Variants in KIRREL3 observed in about 807,000 individuals in gnomAD.
The protein encoded by KIRREL3 is kin of IRRE-like protein 3.
Under a neutral mutation model 89.7 loss-of-function variants are expected in KIRREL3, and 36 were observed. The ratio of observed to expected loss-of-function variants is 0.40; its 90% CI spans 0.31 to 0.53. The LOEUF (loss-of-function observed/expected upper bound fraction) is 0.53, where lower values mean the gene tolerates loss of function less well. Ranked by LOEUF, KIRREL3 falls within the 20% of genes least tolerant of loss-of-function variation. The pLI is 0.49. For synonymous variants in KIRREL3, 445 were observed against 441.4 expected, an observed-to-expected ratio of 1.01 and a Z score of -0.10; for missense variants, 864 against 1,056.6, an observed-to-expected ratio of 0.82 and a Z score of 2.53.
chr11:126,799,246 G>A lies in KIRREL3; in HGVS notation c.55+201209C>T, dbSNP rs376224458. ...TGTATCTGTGTATCTGTGTGTGGAT[G>A]TGTGTATCTGTGTGCGTGTGCATGT... On this transcript the variant is annotated intron_variant, in intron 1 of 16. Coordinates refer to ENST00000525144, the MANE Select transcript of KIRREL3 (RefSeq NM_032531.4). 2.6e-3 allele frequency among the ~76,000 whole-genome samples: 355 copies of A among 137,958 alleles called. 1 individual carries two copies. Among genetic ancestry groups the A allele is most frequent in the African/African-American group, 9.3e-3 (334 of 36,002 alleles). The allele number at this position is 137,958 out of a possible 152,430, so 90.5% of individuals were successfully genotyped here. A position where few individuals can be genotyped will look rare whatever the true frequency, so the allele number is the denominator to read the frequency against.
chr11:126,443,213 G>A lies in KIRREL3; in HGVS notation c.1252+1766C>T, dbSNP rs1340405569. ...GTGCATGAGTGAGTGTGAGGGTCCCGGGCTGGCTGGTCATAGGGCCAGCAG... is the reference window on the plus strand; with the variant it reads ...GTGCATGAGTGAGTGTGAGGGTCCCAGGCTGGCTGGTCATAGGGCCAGCAG... On this transcript the variant is annotated intron_variant, in intron 10 of 16. Coordinates refer to ENST00000525144, the MANE Select transcript of KIRREL3 (RefSeq NM_032531.4). This position sits in a 1 kb window ranked among gnomAD's most constrained non-coding sequence, Gnocchi z 7.3. Among the ~76,000 whole-genome samples, 1 of 152,140 alleles carries A rather than the reference G, an allele frequency of 6.6e-6. No homozygotes were observed. Among genetic ancestry groups the A allele is most frequent in the East Asian group, 1.9e-4 (1 of 5,190 alleles).
rs538921338 is a variant in KIRREL3, at chr11:126,906,698, C to T, written c.55+93757G>A. Among the ~76,000 whole-genome samples the T allele has an allele frequency of 2.0e-5, 3 of 152,256 alleles. No homozygotes were observed. Among genetic ancestry groups the T allele is most frequent in the African/African-American group, 7.2e-5 (3 of 41,522 alleles). On this transcript the variant is annotated intron_variant, in intron 1 of 16. Transcript: ENST00000525144. The surrounding 1 kb of genome is among the most constrained non-coding windows in gnomAD (Gnocchi z 4.1). The stretch of plus-strand genomic sequence containing the variant: ...TTAAACCCAGAAGATGTGAACTGCA[C>T]GCATTATAAGGCAAATTAGATCCTG...
intron 1 of KIRREL3, among the ~76,000 whole-genome samples, chr11:126,986,463 A>G (rs1591429103): frequency 2.0e-5 from 3 of 152,304 alleles, no homozygotes; most frequent in Admixed American, 6.5e-5. Context: ...GGACAAGAGC[A>G]TCTCTGGTGT....
At chr11:126,457,265 ATG>A (rs151089192) in intron 6 of KIRREL3, among the ~76,000 whole-genome samples, 18,522 of 141,818 alleles carry the variant, frequency 0.13, 1,506 homozygotes, top group Non-Finnish European at 0.19. Context: ...GTGTGTATGC[ATG>A]TGTGTGTATG....
At chr11:126,442,543 G>A (rs1955621613) in intron 10 of KIRREL3, among the ~76,000 whole-genome samples, 1 of 152,190 alleles carries the variant, frequency 6.6e-6, no homozygotes, top group African/African-American at 2.4e-5. Flanking sequence ...ATCGGTTGAG[G>A]TGTGTGCCAA....
chr11:126,904,393 G>A lies in KIRREL3; in HGVS notation c.55+96062C>T, dbSNP rs1484545543. ...GGGTCTTGATGTTTACTGCATCTCT[G>A]ACTGCAATAAGACTGATCACTAGTG... On this transcript the variant is annotated intron_variant, in intron 1 of 16. Coordinates refer to ENST00000525144, the MANE Select transcript of KIRREL3 (RefSeq NM_032531.4). The surrounding 1 kb of genome is among the most constrained non-coding windows in gnomAD (Gnocchi z 4.4). Among the ~76,000 whole-genome samples the A allele has an allele frequency of 2.6e-5, 4 of 152,130 alleles. No individual in the cohort carries two copies. The highest frequency in any genetic ancestry group is 5.9e-5 in the Non-Finnish European group (4 of 68,044).
At position 126,891,176 on chromosome 11, in the gene KIRREL3, A is replaced by G. The variant is rs1242948735; in HGVS notation, c.55+109279T>C. On this transcript the variant is annotated intron_variant, in intron 1 of 16. Coordinates refer to ENST00000525144, the MANE Select transcript of KIRREL3 (RefSeq NM_032531.4). The surrounding 1 kb of genome is among the most constrained non-coding windows in gnomAD (Gnocchi z 5.1). ...AGTGTACATAAGCCACAGTGGAAAC[A>G]TCTGAGAAGCGTCCCAAGATACTGC... Among the ~76,000 whole-genome samples the G allele has an allele frequency of 1.3e-5, 2 of 152,188 alleles. No individual in the cohort carries two copies. The highest frequency in any genetic ancestry group is 2.9e-5 in the Non-Finnish European group (2 of 68,024).
Position 126,985,065 on chromosome 11 carries a change from A to G in KIRREL3, c.55+15390T>C, listed in dbSNP as rs564454620. 6.6e-6 allele frequency among the ~76,000 whole-genome samples: 1 copy of G among 152,330 alleles called. No individual in the cohort carries two copies. The highest frequency in any genetic ancestry group is 2.4e-5 in the African/African-American group (1 of 41,570). On this transcript the variant is annotated intron_variant, in intron 1 of 16. Transcript: ENST00000525144. This position sits in a 1 kb window ranked among gnomAD's most constrained non-coding sequence, Gnocchi z 5.3. The stretch of plus-strand genomic sequence containing the variant: ...TGAAAGTGTTCTGGAACTATGAAAT[A>G]CTATACACATGCAAGGAAGGATTAA...
intron 2 of KIRREL3, chr11:126,543,818 G>A (rs1938564189): frequency 6.6e-6 from 1 of 152,262 alleles, no homozygotes; most frequent in Admixed American, 6.5e-5. Flanking sequence ...CCTTTGCAAA[G>A]GCCGATCCCT....
At chr11:126,658,178 C>A (rs1945241596) in intron 1 of KIRREL3, among the ~76,000 whole-genome samples, 5 of 152,204 alleles carry the variant, frequency 3.3e-5, no homozygotes, top group Admixed American at 3.3e-4. Context: ...TAGTTATTGT[C>A]ATACAAGAAG....
rs1337985357 is a variant in KIRREL3, at chr11:126,890,819, T to TCCC, written c.55+109633_55+109635dup. 1.3e-5 allele frequency among the ~76,000 whole-genome samples: 2 copies of TCCC among 152,160 alleles called. No homozygotes were observed. Among genetic ancestry groups the TCCC allele is most frequent in the Admixed American group, 6.5e-5 (1 of 15,280 alleles). On this transcript the variant is annotated intron_variant, in intron 1 of 16. Coordinates refer to ENST00000525144, the MANE Select transcript of KIRREL3 (RefSeq NM_032531.4). The surrounding 1 kb of genome is among the most constrained non-coding windows in gnomAD (Gnocchi z 5.1). ...TGTGCCCAGCGCTGCCCCAGCATCC[T>TCCC]CCCAACCACTGTCCTCAGCATTGTT...
chr11:126,809,622 C>G (rs1383547147), intron 1 of KIRREL3, among the ~76,000 whole-genome samples: 2 of 152,198 alleles, frequency 1.3e-5, no homozygotes, highest in Admixed American at 1.3e-4. Flanking sequence ...TTAATTAATT[C>G]AATCGCTGTA....
chr11:126,809,156 C>T (rs1490012268), intron 1 of KIRREL3, among the ~76,000 whole-genome samples: 2 of 152,110 alleles, frequency 1.3e-5, no homozygotes, highest in Non-Finnish European at 2.9e-5. Context: ...TTCAGCAAAA[C>T]CTTCATTAAG....
At chr11:126,435,126 A>C in intron 13 of KIRREL3, 142 bp downstream of exon 13, 1 of 873,522 alleles carries the variant, frequency 1.1e-6, no homozygotes, top group Non-Finnish European at 1.8e-6. Flanking sequence ...TGCTTTGTCT[A>C]CACTAAACCC....
intron 1 of KIRREL3, among the ~76,000 whole-genome samples, chr11:126,923,578 G>A (rs1018865505): frequency 6.6e-6 from 1 of 151,572 alleles, no homozygotes; most frequent in Non-Finnish European, 1.5e-5. Flanking sequence ...CTAGCAGCTG[G>A]GATTACAGGC....
chr11:126,757,372 T>C (rs967940472), intron 1 of KIRREL3, among the ~76,000 whole-genome samples: 1 of 151,932 alleles, frequency 6.6e-6, no homozygotes, highest in Non-Finnish European at 1.5e-5. Flanking sequence ...GGTTTCATAA[T>C]ACAAATTTGC....
Position 126,676,711 on chromosome 11 carries a change from C to A in KIRREL3, c.56-113799G>T, listed in dbSNP as rs187884059. 6.6e-6 allele frequency among the ~76,000 whole-genome samples: 1 copy of A among 151,950 alleles called. No individual in the cohort carries two copies. Among genetic ancestry groups the A allele is most frequent in the Non-Finnish European group, 1.5e-5 (1 of 67,986 alleles). Reference sequence around the variant, plus strand: ...CAAAGATGCATCTGGGCCCCATATGCGACCCAGGGCTTCCCATGGCAACAT... The same window carrying A: ...CAAAGATGCATCTGGGCCCCATATGAGACCCAGGGCTTCCCATGGCAACAT... On this transcript the variant is annotated intron_variant, in intron 1 of 16. Transcript: ENST00000525144. This position sits in a 1 kb window ranked among gnomAD's most constrained non-coding sequence, Gnocchi z 4.5.
chr11:126,793,837 A>G (rs555809031), intron 1 of KIRREL3, among the ~76,000 whole-genome samples: 24 of 152,318 alleles, frequency 1.6e-4, no homozygotes, highest in African/African-American at 5.3e-4. Flanking sequence ...TGCATGACTG[A>G]GCTCCACTGT....
rs1356457706 is a variant in KIRREL3 at position 126,574,295 on chromosome 11, C to T, written c.56-11383G>A. On this transcript the variant is annotated intron_variant, in intron 1 of 16. Transcript: ENST00000525144. This position sits in a 1 kb window ranked among gnomAD's most constrained non-coding sequence, Gnocchi z 5.3. ...TTTGACCACAACGCTTGGGGTAAAA[C>T]CAAACTCCCCCACCTCCTTCAGAGC... is the stretch of plus-strand genomic sequence containing the variant. Among the ~76,000 whole-genome samples the T allele has an allele frequency of 6.6e-6, 1 of 152,206 alleles. No homozygotes were observed. The highest frequency in any genetic ancestry group is 1.5e-5 in the Non-Finnish European group (1 of 68,040).
Sources: gnomAD v4.1 joint callset for allele counts (sites outside exome capture counted in the v4.1 genomes callset) on GRCh38, gnomAD v4.1.1 for gene constraint, Gnocchi (gnomAD v3.1) non-coding constraint, MANE v1.5 for transcripts, NCBI Gene and HGNC (gene_info 2026-07-23, HGNC 2026-07-21) for gene names.